SUGCT: variants seen among roughly 807,000 people sequenced by gnomAD.
SUGCT encodes succinyl-CoA:glutarate CoA-transferase.
SUGCT carries 41 observed loss-of-function variants against 55.0 expected under a neutral mutation model. That is an observed-to-expected ratio of 0.74 (90% CI 0.58 to 0.97). The LOEUF is 0.97. SUGCT is among the 50% of genes least tolerant of loss of function. The pLI, the probability that SUGCT is intolerant of heterozygous loss-of-function variation, is 0.00. For missense variants in SUGCT, 568 were observed against 547.8 expected (o/e 1.04, Z -0.37); for synonymous variants, 187 against 200.4 (o/e 0.93, Z 0.56).
chr7:40,156,481 T>C (rs1783904203), intron 1 of SUGCT, among the ~76,000 whole-genome samples: 1 of 151,946 alleles, frequency 6.6e-6, no homozygotes, highest in African/African-American at 2.4e-5. Context: ...AGAAGATTTT[T>C]AGTGCCTTGT....
intron 7 of SUGCT, among the ~76,000 whole-genome samples, chr7:40,257,766 C>T (rs1398096759): frequency 2.0e-5 from 3 of 151,802 alleles, no homozygotes; most frequent in South Asian, 2.1e-4. Context: ...TCCTGCTACT[C>T]GGGAGGCTGA....
rs573357347 is a variant in SUGCT at position 40,731,337 on chromosome 7, C to A, written c.1090-18097C>A. On this transcript the variant is annotated intron_variant, in intron 12 of 13. Transcript: ENST00000335693. ...TCAGTCCCTCTCATCTGATTAGTGGCAGAACCAAAATTGGTAGGTGTTCCC... is the reference window on the plus strand; with the variant it reads ...TCAGTCCCTCTCATCTGATTAGTGGAAGAACCAAAATTGGTAGGTGTTCCC... Among the ~76,000 whole-genome samples the A allele has an allele frequency of 1.4e-4, 22 of 152,270 alleles. No homozygotes were observed. The South Asian group carries it at 4.4e-3, about 30-fold the overall frequency.
At position 40,749,472 on chromosome 7, in the gene SUGCT, A is replaced by C. The variant is rs1787898210; in HGVS notation, c.1128A>C (p.Pro376=). The C allele has an allele frequency of 6.2e-7, 1 of 1,613,798 alleles. No homozygotes were observed. Among genetic ancestry groups the C allele is most frequent in the Non-Finnish European group, 8.5e-7 (1 of 1,179,744 alleles). ...GCCTCGTTATGGAGATGGAGCATCC[A>C]ACTGTGGGGAAGATTTCCGTCCCAG... ...HNGLVMEMEH[P]TVGKISVPGP... The change falls in exon 13 of 14, where the codon CCA becomes CCC. Residue 376 remains proline, a synonymous_variant. Coordinates refer to ENST00000335693, the MANE Select transcript of SUGCT (RefSeq NM_001193313.2).
At position 40,616,010 on chromosome 7, in the gene SUGCT, C is replaced by T. The variant is rs1203833568; in HGVS notation, c.1089+119624C>T. Among the ~76,000 whole-genome samples, 4 of 152,126 alleles carry T rather than the reference C, an allele frequency of 2.6e-5. No homozygotes were observed. The South Asian group carries it at 8.3e-4, about 32-fold the overall frequency. ...TGGAAACATCACCTGTTTCTTTTCC[C>T]TCAGAGGTCTCTATATTTTTTATTT... is the stretch of plus-strand genomic sequence containing the variant. On this transcript the variant is annotated intron_variant, in intron 12 of 13. Transcript: ENST00000335693.
intron 10 of SUGCT, among the ~76,000 whole-genome samples, chr7:40,457,807 A>T (rs1789572606): frequency 6.6e-6 from 1 of 152,214 alleles, no homozygotes; most frequent in African/African-American, 2.4e-5. Context: ...TTTTTGGGTG[A>T]GGCCAGGTTT....
intron 13 of SUGCT, among the ~76,000 whole-genome samples, chr7:40,852,698 C>T (rs192584315): frequency 9.8e-4 from 148 of 151,722 alleles, no homozygotes; most frequent in Middle Eastern, 3.4e-3. Context: ...GCTCAGCTTC[C>T]GACTTAGCTT....
chr7:40,174,770 C>A (rs1290682692), intron 1 of SUGCT, among the ~76,000 whole-genome samples: 1 of 152,168 alleles, frequency 6.6e-6, no homozygotes, highest in Non-Finnish European at 1.5e-5. Context: ...CCTGTGAATT[C>A]AATTCTGCCA....
rs933701247 is a variant in SUGCT, at chr7:40,148,465, A to G, written c.100+13345A>G. Among the ~76,000 whole-genome samples the G allele has an allele frequency of 5.9e-5, 9 of 152,100 alleles. No homozygotes were observed. In the South Asian group the frequency reaches 1.0e-3, roughly 18 times the overall value. On this transcript the variant is annotated intron_variant, in intron 1 of 13. Coordinates refer to ENST00000335693, the MANE Select transcript of SUGCT (RefSeq NM_001193313.2). The stretch of plus-strand genomic sequence containing the variant: ...TTGGAGACCAGCCTGACCAACATGG[A>G]GAAACCTCGTCTCTACTAAAAATAC...
In SUGCT at chr7:40,363,309, T is replaced by A. The variant is rs538027942; in HGVS notation, c.816+46454T>A. The stretch of plus-strand genomic sequence containing the variant: ...TTGAAGGGTTTTTTGTGTCTCTATT[T>A]CCTTCAGTTGTGCTCTGATTTTAGT... On this transcript the variant is annotated intron_variant, in intron 9 of 13. Coordinates refer to ENST00000335693, the MANE Select transcript of SUGCT (RefSeq NM_001193313.2). Among the ~76,000 whole-genome samples the A allele has an allele frequency of 5.9e-5, 9 of 152,294 alleles. No individual in the cohort carries two copies. In the South Asian group the frequency reaches 1.9e-3, roughly 32 times the overall value.
At chr7:40,231,715 A>G (rs1199530171) in intron 6 of SUGCT, among the ~76,000 whole-genome samples, 1 of 152,214 alleles carries the variant, frequency 6.6e-6, no homozygotes, top group Non-Finnish European at 1.5e-5. Flanking sequence ...CCTCTAAGCC[A>G]GGATAAAGAG....
At chr7:40,332,116 T>C (rs1796342958) in intron 9 of SUGCT, among the ~76,000 whole-genome samples, 1 of 152,212 alleles carries the variant, frequency 6.6e-6, no homozygotes, top group Non-Finnish European at 1.5e-5. Flanking sequence ...CTCTAGACTT[T>C]GAATAGCTAT....
At chr7:40,420,193 C>T (rs1787230556) in intron 9 of SUGCT, among the ~76,000 whole-genome samples, 1 of 152,058 alleles carries the variant, frequency 6.6e-6, no homozygotes, top group Admixed American at 6.5e-5. Context: ...AAGAAAGTGT[C>T]AAAGGCACAT....
chr7:40,735,916 G>C (rs1419658549), intron 12 of SUGCT, among the ~76,000 whole-genome samples: 4 of 151,944 alleles, frequency 2.6e-5, no homozygotes, highest in Non-Finnish European at 5.9e-5. Flanking sequence ...AGAAAATTAA[G>C]TTTAATGTGG....
chr7:40,735,758 GA>G (rs1402929956), intron 12 of SUGCT, among the ~76,000 whole-genome samples: 1 of 152,096 alleles, frequency 6.6e-6, no homozygotes, highest in East Asian at 1.9e-4. Flanking sequence ...GAAGACTGAA[GA>G]AAAAAACAGT....
intron 12 of SUGCT, among the ~76,000 whole-genome samples, chr7:40,738,124 G>C (rs1380552490): frequency 1.3e-5 from 2 of 150,754 alleles, no homozygotes; most frequent in Non-Finnish European, 2.9e-5. Context: ...TTGAACTAGG[G>C]AGGCAGAGGT....
At chr7:40,151,223 A>C (rs1014345483) in intron 1 of SUGCT, among the ~76,000 whole-genome samples, 10 of 152,228 alleles carry the variant, frequency 6.6e-5, no homozygotes, top group Non-Finnish European at 1.2e-4. Flanking sequence ...CAGGTGACAG[A>C]GTGAGACTCC....
the SUGCT span, among the ~76,000 whole-genome samples, chr7:40,909,808 G>A: frequency 6.6e-6 from 1 of 152,180 alleles, no homozygotes; most frequent in Non-Finnish European, 1.5e-5. Flanking sequence ...AAGGTTTGCA[G>A]AAGAGTGAAT....
chr7:40,465,238 G>A (rs1790037837), intron 11 of SUGCT, among the ~76,000 whole-genome samples: 1 of 152,150 alleles, frequency 6.6e-6, no homozygotes, highest in Non-Finnish European at 1.5e-5. Flanking sequence ...GCATTGTGGA[G>A]TTAAATGTCC....
At chr7:40,843,425 G>C (rs1302265571) in intron 13 of SUGCT, among the ~76,000 whole-genome samples, 1 of 151,310 alleles carries the variant, frequency 6.6e-6, no homozygotes, top group African/African-American at 2.4e-5. Flanking sequence ...CAGGAGAATT[G>C]CTTGAACCAG....
Sources: allele counts gnomAD v4.1 joint callset (sites outside exome capture counted in the v4.1 genomes callset), GRCh38; gene constraint gnomAD v4.1.1; transcripts MANE v1.5; gene names NCBI Gene and HGNC (gene_info 2026-07-23, HGNC 2026-07-21).